The following NIPAL3 variants were observed in gnomAD, a reference collection of about 807,000 sequenced individuals.
NIPAL3 encodes NIPA like domain containing 3, also known as NIPA-like protein 3.
A neutral mutation model predicts 47.2 loss-of-function variants in NIPAL3; 41 were observed. The observed-to-expected ratio is 0.87, with a 90% CI of 0.68 to 1.13. NIPAL3 has a LOEUF of 1.13. Among genes scored for constraint, NIPAL3 ranks in the 50% most tolerant of loss-of-function variants. NIPAL3 has a pLI of 0.00. For synonymous variants in NIPAL3, 194 were observed against 209.6 expected (o/e 0.93, Z 0.64); for missense variants, 449 against 530.1 (o/e 0.85, Z 1.50).
At chr1:24,419,781 G>A in intron 2 of NIPAL3, 141 bp downstream of exon 2, 1 of 720,370 alleles carries the variant, frequency 1.4e-6, no homozygotes, top group Non-Finnish European at 2.3e-6. Flanking sequence ...ACAGACAAGG[G>A]AATGTGTAAG....
At chr1:24,414,799 G>A (rs1354532115), upstream of NIPAL3, 1 of 152,172 alleles carries the variant, frequency 6.6e-6, no homozygotes, top group East Asian at 1.9e-4. Context: ...CCAAAGTCCT[G>A]AGATTACAGG....
rs1246415677 is a variant in NIPAL3, at chr1:24,451,798, C to T, written c.541-1610C>T. On this transcript the variant is annotated intron_variant, in intron 6 of 11. Coordinates refer to ENST00000374399, the MANE Select transcript of NIPAL3 (RefSeq NM_020448.5). The surrounding 1 kb of genome is among the most constrained non-coding windows in gnomAD (Gnocchi z 4.5). The stretch of plus-strand genomic sequence containing the variant: ...AGTGGTTGGGAATGTTGATGATTGA[C>T]AGCACATCCACTTGATGAAGTATTC... Among the ~76,000 whole-genome samples, 6 of 152,220 alleles carry T rather than the reference C, an allele frequency of 3.9e-5. No homozygotes were observed. The highest frequency in any genetic ancestry group is 4.1e-4 in the South Asian group (2 of 4,822).
In NIPAL3 at chr1:24,419,547, C is replaced by A; in HGVS notation, c.-1C>A. 1 of 1,613,094 alleles carries A rather than the reference C, an allele frequency of 6.2e-7. No individual in the cohort carries two copies. The highest frequency in any genetic ancestry group is 8.5e-7 in the Non-Finnish European group (1 of 1,179,620). ...CCTGTGGGATGCGCCACTAGACCAC[C>A]ATGGACGGATCCCACAGCGCAGCCC... On this transcript the variant is annotated 5_prime_UTR_variant, in exon 2 of 12. Coordinates refer to ENST00000374399, the MANE Select transcript of NIPAL3 (RefSeq NM_020448.5).
chr1:24,465,956 A>T, intron 11 of NIPAL3: 1 of 1,570,888 alleles, frequency 6.4e-7, no homozygotes, highest in South Asian at 1.2e-5. Context: ...TTTTCCAGCC[A>T]CTTGGTTTCC....
At chr1:24,458,135 A>G in intron 8 of NIPAL3, among the ~76,000 whole-genome samples, 1 of 152,202 alleles carries the variant, frequency 6.6e-6, no homozygotes, top group South Asian at 2.1e-4. Context: ...TGAAGAAACT[A>G]GTACAGCCAA....
intron 11 of NIPAL3, chr1:24,465,617 C>T (rs112103598): frequency 0.01 from 1,554 of 153,610 alleles, 22 homozygotes; most frequent in African/African-American, 0.028. Context: ...CAGGACACTT[C>T]CGATTGTAGG....
rs1215859516 is a variant in NIPAL3 at position 24,454,428 on chromosome 1, A to T, written c.637+924A>T. 6 of 1,024,080 alleles carry T rather than the reference A, an allele frequency of 5.9e-6. No individual in the cohort carries two copies. Among genetic ancestry groups the T allele is most frequent in the African/African-American group, 1.7e-5 (1 of 57,496 alleles). The allele number at this position is 1,024,080 out of a possible 1,614,324, so 63.4% of individuals were successfully genotyped here. On this transcript the variant is annotated intron_variant, in intron 7 of 11. Coordinates refer to ENST00000374399, the MANE Select transcript of NIPAL3 (RefSeq NM_020448.5). The surrounding 1 kb of genome is among the most constrained non-coding windows in gnomAD (Gnocchi z 4.1). ...CGGAAGGGAGTGGGGGTTAAATGAG[A>T]TGTGCACAGGTGGCTAATATGTGCA...
rs541326342 is a variant in NIPAL3, at chr1:24,442,289, C to T, written c.334+63C>T. ...CCCAGCTGCGTGACCAGAGTGCCAG[C>T]GCCAGGATCAAAGGTGCCCATTGAA... On this transcript the variant is annotated intron_variant, in intron 4 of 11. Transcript: ENST00000374399. The T allele has an allele frequency of 5.3e-4, 818 of 1,553,436 alleles. 2 individuals are homozygous for T. The Middle Eastern group carries it at 5.3e-3, about 10-fold the overall frequency.
chr1:24,466,856 G>C (rs195726), intron 11 of NIPAL3, among the ~76,000 whole-genome samples: 96,564 of 151,956 alleles, frequency 0.64, 30,712 homozygotes, highest in East Asian at 0.72. Context: ...AAAATCCAAA[G>C]CACAGACTCT....
At chr1:24,463,596 C>G (rs1186390968) in intron 10 of NIPAL3, among the ~76,000 whole-genome samples, 2 of 152,176 alleles carry the variant, frequency 1.3e-5, no homozygotes, top group Non-Finnish European at 2.9e-5. Context: ...ATACACCTAC[C>G]TGGCCGAGTG....
intron 11 of NIPAL3, among the ~76,000 whole-genome samples, chr1:24,468,287 C>T (rs1646783108): frequency 6.6e-6 from 1 of 152,084 alleles, no homozygotes; most frequent in African/African-American, 2.4e-5. Context: ...TGCACTCCAG[C>T]CTGGGCGACA....
At chr1:24,440,081 T>C (rs1009326178) in intron 2 of NIPAL3, 91 bp from the exon 3 acceptor site, 52 of 788,068 alleles carry the variant, frequency 6.6e-5, no homozygotes, top group East Asian at 6.2e-4. Context: ...TGGTTTTGTT[T>C]TGGGGCAGCA....
At chr1:24,465,967 C>G in intron 11 of NIPAL3, 7 of 1,585,914 alleles carry the variant, frequency 4.4e-6, no homozygotes, top group Non-Finnish European at 6.0e-6. Context: ...CTTGGTTTCC[C>G]TGGTCAGCAT....
intron 4 of NIPAL3, among the ~76,000 whole-genome samples, chr1:24,443,476 G>T (rs941184764): frequency 6.6e-6 from 1 of 152,126 alleles, no homozygotes; most frequent in African/African-American, 2.4e-5. Context: ...GTAACTATGT[G>T]CCCCTCCCTT....
chr1:24,468,293 C>T lies in NIPAL3; in HGVS notation c.1022-693C>T, dbSNP rs540649508. Among the ~76,000 whole-genome samples, 18 of 152,016 alleles carry T rather than the reference C, an allele frequency of 1.2e-4. No homozygotes were observed. The East Asian group carries it at 2.1e-3, about 18-fold the overall frequency. On this transcript the variant is annotated intron_variant, in intron 11 of 11. Transcript: ENST00000374399. ...TCGCTCCACTGCACTCCAGCCTGGG[C>T]GACAGAGCAAGACCCTGTCTCAATA... is the stretch of plus-strand genomic sequence containing the variant.
Position 24,471,659 on chromosome 1 carries a change from G to A in NIPAL3, c.*2474G>A, listed in dbSNP as rs1367138398. 6.6e-6 allele frequency: 1 copy of A among 151,812 alleles called. No homozygotes were observed. The highest frequency in any genetic ancestry group is 2.4e-5 in the African/African-American group (1 of 41,272). 9.4% of individuals were successfully genotyped at this position (151,812 alleles called of 1,614,324 possible). A position where few individuals can be genotyped will look rare whatever the true frequency, so the allele number is the denominator to read the frequency against. On this transcript the variant is annotated 3_prime_UTR_variant, in exon 12 of 12. Coordinates refer to ENST00000374399, the MANE Select transcript of NIPAL3 (RefSeq NM_020448.5). ...AATACCTGGCTAAGGAGTTTAAAGTGTATCCAAGAGGACGTGGGAGCCACT... is the reference window on the plus strand; with the variant it reads ...AATACCTGGCTAAGGAGTTTAAAGTATATCCAAGAGGACGTGGGAGCCACT...
At chr1:24,433,026 G>C (rs1644945988) in intron 2 of NIPAL3, 1 of 152,184 alleles carries the variant, frequency 6.6e-6, no homozygotes, top group Non-Finnish European at 1.5e-5. Context: ...AAAGAAATCT[G>C]TATCCGTAAA....
intron 6 of NIPAL3, 94 bp from the exon 7 acceptor site, chr1:24,453,314 C>T: frequency 1.3e-6 from 1 of 789,028 alleles, no homozygotes. Flanking sequence ...CCTTTCAACC[C>T]TGTGACTCTG....
intron 2 of NIPAL3, among the ~76,000 whole-genome samples, chr1:24,430,459 A>G (rs1644829267): frequency 6.6e-6 from 1 of 152,154 alleles, no homozygotes; most frequent in Non-Finnish European, 1.5e-5. Flanking sequence ...CGTGTTGGCC[A>G]GGCTGTTCCT....
Sources: gnomAD v4.1 joint callset for allele counts (sites outside exome capture counted in the v4.1 genomes callset) on GRCh38, gnomAD v4.1.1 for gene constraint, Gnocchi (gnomAD v3.1) non-coding constraint, MANE v1.5 for transcripts, NCBI Gene and HGNC (gene_info 2026-07-23, HGNC 2026-07-21) for gene names.